The following PRKG2 variants were observed in gnomAD, a reference collection of about 807,000 sequenced individuals.
The protein encoded by PRKG2 is protein kinase cGMP-dependent 2.
In PRKG2, 33 loss-of-function variants were observed where a neutral mutation model predicts 97.2. That is an observed-to-expected ratio of 0.34 (90% CI 0.26 to 0.45). The LOEUF (loss-of-function observed/expected upper bound fraction) is 0.45, where lower values mean the gene tolerates loss of function less well. Among genes scored for constraint, PRKG2 ranks in the 20% least tolerant of loss-of-function variants. PRKG2 has a pLI of 1.00. For missense variants in PRKG2, 638 were observed against 900.0 expected (o/e 0.71, Z 3.73); for synonymous variants, 330 against 321.8 (o/e 1.03, Z -0.27).
chr4:81,202,967 C>G (rs1030532345), intron 2 of PRKG2, among the ~76,000 whole-genome samples: 1 of 151,836 alleles, frequency 6.6e-6, no homozygotes, highest in Non-Finnish European at 1.5e-5. Flanking sequence ...ACATGTCATT[C>G]TGCATAAAAA....
chr4:81,090,214 T>C (rs919401138), intron 18 of PRKG2, among the ~76,000 whole-genome samples: 1 of 151,974 alleles, frequency 6.6e-6, no homozygotes, highest in Non-Finnish European at 1.5e-5. Context: ...AAAAATTAGT[T>C]TGGCATGGTG....
chr4:81,148,415 A>T (rs1748067212), intron 9 of PRKG2, among the ~76,000 whole-genome samples: 2 of 152,194 alleles, frequency 1.3e-5, no homozygotes. Context: ...ATTGACACAC[A>T]TCACTTACAA....
chr4:81,118,244 G>A (rs937528305), intron 14 of PRKG2, among the ~76,000 whole-genome samples: 1 of 152,102 alleles, frequency 6.6e-6, no homozygotes, highest in Admixed American at 6.5e-5. Flanking sequence ...ACCTACTGAC[G>A]GATACTGTGG....
At chr4:81,139,612 A>AG (rs1276662908) in intron 12 of PRKG2, among the ~76,000 whole-genome samples, 1 of 120,912 alleles carries the variant, frequency 8.3e-6, no homozygotes, top group African/African-American at 5.1e-5. Context: ...CTAAAAATAG[A>AG]AAAAAAAAAA....
intron 14 of PRKG2, among the ~76,000 whole-genome samples, chr4:81,126,192 G>T (rs1745533491): frequency 6.6e-6 from 1 of 152,110 alleles, no homozygotes; most frequent in Non-Finnish European, 1.5e-5. Flanking sequence ...CCATGTCCCT[G>T]CAAAAGACAT....
chr4:81,184,791 A>T (rs1751727432), intron 2 of PRKG2, among the ~76,000 whole-genome samples: 1 of 152,216 alleles, frequency 6.6e-6, no homozygotes, highest in Non-Finnish European at 1.5e-5. Context: ...TTAGAGAAGA[A>T]CATAAATGAC....
chr4:81,093,840 A>G (rs1223676263), intron 17 of PRKG2, among the ~76,000 whole-genome samples: 1 of 152,160 alleles, frequency 6.6e-6, no homozygotes, highest in Non-Finnish European at 1.5e-5. Context: ...TCTTGAATAG[A>G]AACAATCTAC....
chr4:81,132,634 T>C lies in PRKG2; in HGVS notation c.1776+2521A>G, dbSNP rs527948877. ...CTTTTTACAGAGCTTGAATATCTAC[T>C]CTTTGTTTCTTTTCAATGCCTTCAA... On this transcript the variant is annotated intron_variant, in intron 14 of 18. Coordinates refer to ENST00000264399, the MANE Select transcript of PRKG2 (RefSeq NM_006259.3). Among the ~76,000 whole-genome samples, 6 of 152,282 alleles carry C rather than the reference T, an allele frequency of 3.9e-5. No individual in the cohort carries two copies. In the East Asian group the frequency reaches 1.2e-3, roughly 29 times the overall value.
rs1482561962 is a variant in PRKG2, at chr4:81,088,564, G to C, written c.*1144C>G. On this transcript the variant is annotated 3_prime_UTR_variant, in exon 19 of 19. Coordinates refer to ENST00000264399, the MANE Select transcript of PRKG2 (RefSeq NM_006259.3). ...TATTATTTGGGAGAGTGCAAGGAAG[G>C]GATAGGAGGGATGCTGTTGTCCCTT... 8 of 152,056 alleles carry C rather than the reference G, an allele frequency of 5.3e-5. No homozygotes were observed. 9.4% of individuals were successfully genotyped at this position (152,056 alleles called of 1,614,324 possible).
At chr4:81,181,012 G>C (rs1046257151) in intron 2 of PRKG2, among the ~76,000 whole-genome samples, 1 of 131,790 alleles carries the variant, frequency 7.6e-6, no homozygotes, top group Admixed American at 9.8e-5. Flanking sequence ...AGTCCCCGGA[G>C]TGTGATGTTC....
chr4:81,158,389 C>T (rs1236778799), intron 6 of PRKG2, among the ~76,000 whole-genome samples: 1 of 125,078 alleles, frequency 8.0e-6, no homozygotes, highest in African/African-American at 5.3e-5. Context: ...TGAAGGACCT[C>T]TTCAAGGAGA....
At chr4:81,206,256 T>C (rs1435698874) in intron 1 of PRKG2, among the ~76,000 whole-genome samples, 1 of 152,230 alleles carries the variant, frequency 6.6e-6, no homozygotes, top group East Asian at 1.9e-4. Context: ...TTTTGACAGC[T>C]GATATCATTT....
rs75137576 is a variant in PRKG2, at chr4:81,110,376, C to A, written c.1940+72G>T. ...AAATGTTACGCTCTTAAAGTATATACACTTTATCACTAGTTAGGTTATTTT... is the reference window on the plus strand; with the variant it reads ...AAATGTTACGCTCTTAAAGTATATAAACTTTATCACTAGTTAGGTTATTTT... On this transcript the variant is annotated intron_variant, in intron 15 of 18. Coordinates refer to ENST00000264399, the MANE Select transcript of PRKG2 (RefSeq NM_006259.3). 5,656 of 1,455,090 alleles carry A rather than the reference C, an allele frequency of 3.9e-3. 176 individuals are homozygous for A. The African/African-American group carries it at 0.071, about 18-fold the overall frequency. The allele number at this position is 1,455,090 out of a possible 1,614,324, so 90.1% of individuals were successfully genotyped here.
intron 6 of PRKG2, among the ~76,000 whole-genome samples, chr4:81,162,936 T>G (rs1003190555): frequency 2.0e-5 from 3 of 152,180 alleles, no homozygotes; most frequent in African/African-American, 7.2e-5. Context: ...TGAAGTGCTG[T>G]TAGGCTGTTC....
At chr4:81,116,960 A>G (rs560995616) in intron 14 of PRKG2, among the ~76,000 whole-genome samples, 1 of 127,580 alleles carries the variant, frequency 7.8e-6, no homozygotes, top group African/African-American at 3.0e-5. Flanking sequence ...TCCCATCTGT[A>G]GGTTATCTAT....
chr4:81,193,878 T>A (rs766914993), intron 2 of PRKG2, among the ~76,000 whole-genome samples: 1 of 152,014 alleles, frequency 6.6e-6, no homozygotes, highest in Non-Finnish European at 1.5e-5. Flanking sequence ...AAACTGTATA[T>A]TTAAGACCTA....
chr4:81,128,833 G>C (rs762600220), intron 14 of PRKG2, among the ~76,000 whole-genome samples: 2 of 151,992 alleles, frequency 1.3e-5, no homozygotes, highest in African/African-American at 4.8e-5. Flanking sequence ...CTTCAGTTCT[G>C]TTCTGATCTT....
At chr4:81,123,973 C>T (rs1745314382) in intron 14 of PRKG2, among the ~76,000 whole-genome samples, 1 of 152,036 alleles carries the variant, frequency 6.6e-6, no homozygotes, top group Non-Finnish European at 1.5e-5. Flanking sequence ...TTAATATTAT[C>T]TATTGGAATA....
intron 6 of PRKG2, among the ~76,000 whole-genome samples, chr4:81,155,166 AGACTCC>A (rs1230574390): frequency 7.5e-6 from 1 of 133,464 alleles, no homozygotes; most frequent in Admixed American, 6.9e-5. Flanking sequence ...CGACAGAGCG[AGACTCC>A]GTCTCAAAAA....
Sources: gnomAD v4.1 joint callset for allele counts (sites outside exome capture counted in the v4.1 genomes callset) on GRCh38, gnomAD v4.1.1 for gene constraint, MANE v1.5 for transcripts, NCBI Gene and HGNC (gene_info 2026-07-23, HGNC 2026-07-21) for gene names.